The following TMED3 variants were observed in gnomAD, a reference collection of about 807,000 sequenced individuals.
TMED3 encodes transmembrane p24 trafficking protein 3, also known as transmembrane emp24 domain-containing protein 3.
TMED3 carries 9 observed loss-of-function variants against 15.0 expected under a neutral mutation model. That is an observed-to-expected ratio of 0.60 (90% CI 0.36 to 1.04). The LOEUF is 1.04. Among genes scored for constraint, TMED3 ranks in the 50% least tolerant of loss-of-function variants. TMED3 has a pLI of 0.01. For synonymous variants in TMED3, 117 were observed against 121.4 expected, an observed-to-expected ratio of 0.96 and a Z score of 0.24; for missense variants, 267 against 278.9, an observed-to-expected ratio of 0.96 and a Z score of 0.30.
At chr15:79,382,284 G>T (rs762466135) in intron 2 of TMED3, among the ~76,000 whole-genome samples, 1 of 152,200 alleles carries the variant, frequency 6.6e-6, no homozygotes, top group African/African-American at 2.4e-5. Flanking sequence ...AACTGAACTG[G>T]AATGAACAGC....
chr15:79,314,955 A>G (rs1416827382), intron 2 of TMED3, among the ~76,000 whole-genome samples: 1 of 152,204 alleles, frequency 6.6e-6, no homozygotes, highest in African/African-American at 2.4e-5. Context: ...GGGCACAGGA[A>G]GGAGCTCACC....
At chr15:79,354,838 GC>G (rs1000414632) in intron 2 of TMED3, among the ~76,000 whole-genome samples, 7 of 152,078 alleles carry the variant, frequency 4.6e-5, no homozygotes, top group East Asian at 1.9e-4. Context: ...TTCAAGCTCT[GC>G]CCCCCCATTC....
chr15:79,360,448 A>C (rs1282077984), intron 2 of TMED3, among the ~76,000 whole-genome samples: 1 of 152,230 alleles, frequency 6.6e-6, no homozygotes, highest in Non-Finnish European at 1.5e-5. Flanking sequence ...CTGACGCATA[A>C]GAAAGACTTG....
chr15:79,362,970 T>A (rs1893160857), intron 2 of TMED3, among the ~76,000 whole-genome samples: 2 of 152,234 alleles, frequency 1.3e-5, no homozygotes, highest in South Asian at 4.1e-4. Flanking sequence ...TGCTATCAGA[T>A]AATGTAGCAT....
chr15:79,311,326 G>A lies in TMED3; in HGVS notation c.77G>A (p.Gly26Glu). ...CTGCGCCGGGCCGAGCAGCCCTGCG[G>A]GGCCGAGCTCACCTTCGAGCTGCCG... ...LLLRRAEQPC[G>E]AELTFELPDN... The change falls in exon 1 of 3, where the codon GGG becomes GAG. Residue 26 changes from glycine to glutamate, a missense_variant. Physicochemically the swap from Gly to Glu is moderately conservative, Grantham distance 98. Transcript: ENST00000299705. 3 of 1,610,392 alleles carry A rather than the reference G, an allele frequency of 1.9e-6. No individual in the cohort carries two copies. Among genetic ancestry groups the A allele is most frequent in the Non-Finnish European group, 2.5e-6 (3 of 1,178,914 alleles).
chr15:79,332,638 T>G (rs2058813668), intron 2 of TMED3, among the ~76,000 whole-genome samples: 1 of 152,158 alleles, frequency 6.6e-6, no homozygotes, highest in Non-Finnish European at 1.5e-5. Context: ...CCAGACAAGG[T>G]AAAACCGGCA....
chr15:79,318,053 C>A (rs1213054888), intron 2 of TMED3, among the ~76,000 whole-genome samples: 2 of 152,220 alleles, frequency 1.3e-5, no homozygotes, highest in Admixed American at 6.5e-5. Context: ...CCATGTCAGT[C>A]CCTGATCCCA....
intron 2 of TMED3, among the ~76,000 whole-genome samples, chr15:79,335,965 AGATGAGGAAACT>A (rs1595891803): frequency 6.6e-6 from 1 of 151,378 alleles, no homozygotes; most frequent in Non-Finnish European, 1.5e-5. Flanking sequence ...CCCATCTTAC[AGATGAGGAAACT>A]GAGACACAGA....
chr15:79,383,087 C>G (rs2141250411), intron 2 of TMED3: 9 of 1,487,800 alleles, frequency 6.0e-6, no homozygotes, highest in East Asian at 2.5e-5. Flanking sequence ...GGACATGGCT[C>G]TTTGCCTGTA....
intron 2 of TMED3, among the ~76,000 whole-genome samples, chr15:79,387,739 C>T (rs976445334): frequency 5.5e-4 from 83 of 152,198 alleles, no homozygotes; most frequent in African/African-American, 1.9e-3. Context: ...CATTCCTTTC[C>T]ATTTACCTGA....
At chr15:79,355,657 G>A (rs1406488040) in intron 2 of TMED3, among the ~76,000 whole-genome samples, 3 of 152,132 alleles carry the variant, frequency 2.0e-5, no homozygotes, top group Non-Finnish European at 4.4e-5. Context: ...AGATTTGAGG[G>A]TGGGAAAAGG....
At chr15:79,331,545 A>C (rs2058808909) in intron 2 of TMED3, among the ~76,000 whole-genome samples, 1 of 68,292 alleles carries the variant, frequency 1.5e-5, no homozygotes, top group South Asian at 6.0e-4. Context: ...AAAGAAGCAA[A>C]AAAAAAAAAA....
chr15:79,315,423 G>A (rs2058736402), intron 2 of TMED3, among the ~76,000 whole-genome samples: 1 of 152,260 alleles, frequency 6.6e-6, no homozygotes, highest in South Asian at 2.1e-4. Context: ...TCCAGCCGAG[G>A]GTGTGTATTG....
At chr15:79,335,546 G>A (rs1395929961) in intron 2 of TMED3, among the ~76,000 whole-genome samples, 1 of 152,082 alleles carries the variant, frequency 6.6e-6, no homozygotes, top group Non-Finnish European at 1.5e-5. Flanking sequence ...GGAATTCAGG[G>A]CACAGAGCAC....
At chr15:79,410,794 C>T (rs918160330) in intron 2 of TMED3, among the ~76,000 whole-genome samples, 1 of 152,018 alleles carries the variant, frequency 6.6e-6, no homozygotes, top group Non-Finnish European at 1.5e-5. Flanking sequence ...GCAGCAACCT[C>T]TCAGAAGCAA....
At chr15:79,390,440 C>G (rs1339197938) in intron 2 of TMED3, among the ~76,000 whole-genome samples, 1 of 152,078 alleles carries the variant, frequency 6.6e-6, no homozygotes, top group East Asian at 1.9e-4. Flanking sequence ...AGTATGAAAC[C>G]CACTTGATCA....
At chr15:79,353,356 A>T (rs1290778575) in intron 2 of TMED3, among the ~76,000 whole-genome samples, 2 of 116,142 alleles carry the variant, frequency 1.7e-5, no homozygotes, top group Non-Finnish European at 1.7e-5. Flanking sequence ...AATATATGTT[A>T]TATATAAAAT....
At chr15:79,334,313 G>A (rs1474294695) in intron 2 of TMED3, among the ~76,000 whole-genome samples, 1 of 152,198 alleles carries the variant, frequency 6.6e-6, no homozygotes, top group Non-Finnish European at 1.5e-5. Flanking sequence ...GTCCTAGAGG[G>A]TTAAGACTTT....
At chr15:79,411,087 G>A (rs1855910878) in intron 2 of TMED3, among the ~76,000 whole-genome samples, 1 of 152,072 alleles carries the variant, frequency 6.6e-6, no homozygotes, top group South Asian at 2.1e-4. Context: ...ATCACTTAAG[G>A]TATGCGGGAA....
Sources: gnomAD v4.1 joint callset for allele counts (sites outside exome capture counted in the v4.1 genomes callset) on GRCh38, gnomAD v4.1.1 for gene constraint, MANE v1.5 for transcripts, NCBI Gene and HGNC (gene_info 2026-07-23, HGNC 2026-07-21) for gene names.